EBF1: variants seen among roughly 807,000 people sequenced by gnomAD.
EBF1 encodes the protein transcription factor COE1.
A neutral mutation model predicts 68.4 loss-of-function variants in EBF1; 10 were observed. The observed-to-expected ratio is 0.15, with a 90% CI of 0.09 to 0.25. The LOEUF is 0.25. Among genes scored for constraint, EBF1 ranks in the 10% least tolerant of loss-of-function variants. The pLI is 1.00. For synonymous variants in EBF1, 298 were observed against 299.8 expected (o/e 0.99, Z 0.06); for missense variants, 509 against 794.4 (o/e 0.64, Z 4.32).
At chr5:158,819,110 G>A (rs1417607888) in intron 8 of EBF1, among the ~76,000 whole-genome samples, 1 of 151,956 alleles carries the variant, frequency 6.6e-6, no homozygotes, top group Non-Finnish European at 1.5e-5. Context: ...AAGAAGAGAG[G>A]AAAGGAGAAA....
Position 158,696,300 on chromosome 5 carries a change from AAG to A in EBF1, c.*2809_*2810del, listed in dbSNP as rs1217053728. On this transcript the variant is annotated 3_prime_UTR_variant, in exon 16 of 16. Coordinates refer to ENST00000313708, the MANE Select transcript of EBF1 (RefSeq NM_024007.5). ...ATTTGTAAAACTTTTGTGGAGAAGA[AAG>A]AGGATCAGAGGGCCAGAATGTCTTT... 9.1e-6 allele frequency: 2 copies of A among 220,554 alleles called. No individual in the cohort carries two copies. Among genetic ancestry groups the A allele is most frequent in the Non-Finnish European group, 1.8e-5 (2 of 110,150 alleles). 13.7% of individuals were successfully genotyped at this position (220,554 alleles called of 1,614,324 possible).
chr5:159,018,160 A>C (rs1765972426), intron 6 of EBF1, among the ~76,000 whole-genome samples: 1 of 152,124 alleles, frequency 6.6e-6, no homozygotes, highest in Non-Finnish European at 1.5e-5. Context: ...CCTTATCAAA[A>C]TCATCCAAGG....
chr5:158,892,023 T>C (rs1472619833), intron 6 of EBF1, among the ~76,000 whole-genome samples: 8 of 152,218 alleles, frequency 5.3e-5, no homozygotes, highest in African/African-American at 1.9e-4. Flanking sequence ...TGTGATTGTG[T>C]AACATACCAG....
At chr5:158,868,106 AAAC>A (rs1796258219) in intron 6 of EBF1, among the ~76,000 whole-genome samples, 1 of 152,106 alleles carries the variant, frequency 6.6e-6, no homozygotes, top group Non-Finnish European at 1.5e-5. Flanking sequence ...CCCAAGAAAC[AAAC>A]AACATAAAAA....
At chr5:158,942,651 T>C (rs905184400) in intron 6 of EBF1, among the ~76,000 whole-genome samples, 5 of 152,066 alleles carry the variant, frequency 3.3e-5, no homozygotes, top group African/African-American at 1.2e-4. Flanking sequence ...TGAAGGTTTT[T>C]GAAGGAGGAA....
At chr5:159,043,441 G>A (rs796296188) in intron 6 of EBF1, among the ~76,000 whole-genome samples, 2 of 152,124 alleles carry the variant, frequency 1.3e-5, no homozygotes, top group African/African-American at 2.4e-5. Context: ...TTGAATGACT[G>A]TCTCTCCCAC....
At chr5:159,073,487 T>C (rs1483999848) in intron 5 of EBF1, 23 bp from the exon 6 acceptor site, 1 of 1,613,666 alleles carries the variant, frequency 6.2e-7, no homozygotes. Flanking sequence ...AGCGAAAGGA[T>C]TTAGTACAAC....
chr5:158,700,427 C>T (rs562636097), intron 15 of EBF1, among the ~76,000 whole-genome samples: 24 of 151,690 alleles, frequency 1.6e-4, no homozygotes, highest in African/African-American at 4.8e-4. Context: ...CAAATCTAAA[C>T]GTAAATTAAT....
At chr5:158,937,221 C>T (rs948452811) in intron 6 of EBF1, among the ~76,000 whole-genome samples, 1 of 151,924 alleles carries the variant, frequency 6.6e-6, no homozygotes. Flanking sequence ...ACATCAGCTC[C>T]GTCTTTCAAA....
At chr5:158,961,082 C>A (rs993826470) in intron 6 of EBF1, among the ~76,000 whole-genome samples, 3 of 152,136 alleles carry the variant, frequency 2.0e-5, no homozygotes, top group African/African-American at 7.2e-5. Flanking sequence ...GAAAAATATT[C>A]GAGCTCAGTA....
intron 6 of EBF1, among the ~76,000 whole-genome samples, chr5:159,010,799 G>A (rs986784543): frequency 3.9e-5 from 6 of 152,200 alleles, no homozygotes; most frequent in South Asian, 2.1e-4. Flanking sequence ...CATGAGCCCC[G>A]TAACGAGATG....
intron 6 of EBF1, among the ~76,000 whole-genome samples, chr5:158,913,480 T>C (rs1019162428): frequency 3.3e-5 from 5 of 152,320 alleles, no homozygotes; most frequent in Non-Finnish European, 5.9e-5. Flanking sequence ...GGTGGTCTGC[T>C]TTCTCGATCC....
intron 6 of EBF1, among the ~76,000 whole-genome samples, chr5:159,011,730 G>C (rs1397057975): frequency 6.6e-6 from 1 of 152,092 alleles, no homozygotes; most frequent in African/African-American, 2.4e-5. Context: ...TCAATACTGG[G>C]CAATACAAAG....
chr5:158,909,762 C>A (rs575817477), intron 6 of EBF1, among the ~76,000 whole-genome samples: 8 of 152,018 alleles, frequency 5.3e-5, no homozygotes, highest in Non-Finnish European at 7.4e-5. Flanking sequence ...CATAGTAAAA[C>A]CCTGTCTCTA....
At chr5:158,793,405 C>T (rs542908360) in intron 9 of EBF1, among the ~76,000 whole-genome samples, 9 of 152,210 alleles carry the variant, frequency 5.9e-5, no homozygotes, top group African/African-American at 2.2e-4. Flanking sequence ...TAATTTTATT[C>T]GATTAAAAAC....
intron 6 of EBF1, among the ~76,000 whole-genome samples, chr5:158,846,517 C>T (rs1311841556): frequency 6.6e-6 from 1 of 152,196 alleles, no homozygotes; most frequent in Non-Finnish European, 1.5e-5. Flanking sequence ...TCATCACTAC[C>T]TCCTGGTAGC....
intron 10 of EBF1, among the ~76,000 whole-genome samples, chr5:158,766,358 T>C (rs1772662143): frequency 6.6e-6 from 1 of 152,188 alleles, no homozygotes; most frequent in South Asian, 2.1e-4. Context: ...TTTGATTTTT[T>C]TAAAACAACT....
chr5:158,821,318 A>T, intron 8 of EBF1, among the ~76,000 whole-genome samples: 1 of 152,212 alleles, frequency 6.6e-6, no homozygotes, highest in East Asian at 1.9e-4. Flanking sequence ...TCATGCTGCA[A>T]AATAACGTTA....
intron 6 of EBF1, among the ~76,000 whole-genome samples, chr5:158,884,634 C>A (rs140229798): frequency 6.6e-6 from 1 of 152,024 alleles, no homozygotes; most frequent in African/African-American, 2.4e-5. Flanking sequence ...GAGACACACC[C>A]GACTCAGCCT....
Sources: gnomAD v4.1 joint callset for allele counts (sites outside exome capture counted in the v4.1 genomes callset) on GRCh38, gnomAD v4.1.1 for gene constraint, MANE v1.5 for transcripts, NCBI Gene and HGNC (gene_info 2026-07-23, HGNC 2026-07-21) for gene names.